The following COL3A1 variants were observed in gnomAD, a reference collection of about 807,000 sequenced individuals.
COL3A1 encodes the protein collagen alpha-1(III) chain.
In COL3A1, 46 loss-of-function variants were observed where a neutral mutation model predicts 200.9. The ratio of observed to expected loss-of-function variants is 0.23; its 90% CI spans 0.18 to 0.29. COL3A1 has a LOEUF of 0.29. Ranked by LOEUF, COL3A1 falls within the 10% of genes least tolerant of loss-of-function variation. COL3A1 has a pLI of 1.00. For synonymous variants in COL3A1, 650 were observed against 628.0 expected, an observed-to-expected ratio of 1.03 and a Z score of -0.52; for missense variants, 1,367 against 1,917.6, an observed-to-expected ratio of 0.71 and a Z score of 5.36.
At chr2:188,979,635 G>A (rs1428841461) in intron 1 of COL3A1, among the ~76,000 whole-genome samples, 1 of 151,718 alleles carries the variant, frequency 6.6e-6, no homozygotes, top group African/African-American at 2.4e-5. Context: ...GCATCTTCCT[G>A]TTTTGAGGCC....
In COL3A1 at chr2:188,993,358, T is replaced by C; in HGVS notation, c.1051-3T>C. ...AACTGACTACACAAGGTTTTACCAT[T>C]AGGGTGAAGTTGGACCTGCAGGGTC... On this transcript the variant is annotated splice_region_variant and splice_polypyrimidine_tract_variant and intron_variant, in intron 15 of 50. Transcript: ENST00000304636. 6.4e-7 allele frequency: 1 copy of C among 1,565,214 alleles called. No individual in the cohort carries two copies. Among genetic ancestry groups the C allele is most frequent in the East Asian group, 2.4e-5 (1 of 42,268 alleles).
Position 188,994,368 on chromosome 2 carries a change from G to T in COL3A1, c.1293+36G>T, listed in dbSNP as rs769443822. 1.6e-5 allele frequency: 26 copies of T among 1,610,258 alleles called. No individual in the cohort carries two copies. The highest frequency in any genetic ancestry group is 2.2e-5 in the East Asian group (1 of 44,874). ...TTGTTTTTTCTCTGTTGACTGAAAG[G>T]TATAGTTTAATTCCATCAACAAAAA... is the stretch of plus-strand genomic sequence containing the variant. On this transcript the variant is annotated intron_variant, in intron 18 of 50. Transcript: ENST00000304636. The surrounding 1 kb of genome is among the most constrained non-coding windows in gnomAD (Gnocchi z 4.5).
In COL3A1 at chr2:189,010,126, C is replaced by T. The variant is rs998382482; in HGVS notation, c.3824-52C>T. On this transcript the variant is annotated intron_variant, in intron 48 of 50. Transcript: ENST00000304636. Reference sequence around the variant, plus strand: ...CTTTACAGGTAAACAAACAAAATCACTTTATTACTGGATTTTATAACCAAT... The same window carrying T: ...CTTTACAGGTAAACAAACAAAATCATTTTATTACTGGATTTTATAACCAAT... 4.5e-6 allele frequency: 7 copies of T among 1,572,292 alleles called. No homozygotes were observed. The African/African-American group carries it at 5.4e-5, about 12-fold the overall frequency.
At chr2:188,999,686 AT>A in intron 31 of COL3A1, 109 bp downstream of exon 31, 1 of 1,398,260 alleles carries the variant, frequency 7.2e-7, no homozygotes, top group Non-Finnish European at 1.0e-6. Context: ...TAATGTTATC[AT>A]TTTATAGTAA....
intron 14 of COL3A1, 32 bp from the exon 15 acceptor site, chr2:188,992,855 A>G (rs997357306): frequency 6.2e-7 from 1 of 1,600,550 alleles, no homozygotes; most frequent in Non-Finnish European, 8.6e-7. Context: ...TAGTTGAAAA[A>G]GAGCTCTTGA....
At chr2:188,989,550 T>C (rs1688135471) in intron 8 of COL3A1, 101 bp downstream of exon 8, 1 of 870,590 alleles carries the variant, frequency 1.1e-6, no homozygotes, top group Non-Finnish European at 1.8e-6. Context: ...AAAAAAATGT[T>C]ATTCAAAATA....
chr2:189,010,965 A>G lies in COL3A1; in HGVS notation c.4254+75A>G, dbSNP rs991420845. On this transcript the variant is annotated intron_variant, in intron 50 of 50. Coordinates refer to ENST00000304636, the MANE Select transcript of COL3A1 (RefSeq NM_000090.4). ...TTTAATCATGCAAATTATTTTGAAT[A>G]GAATAAATAAAATTAATAGGATGAA... is the stretch of plus-strand genomic sequence containing the variant. 2.8e-5 allele frequency: 43 copies of G among 1,558,184 alleles called. 1 individual carries two copies. The Admixed American group carries it at 7.0e-4, about 25-fold the overall frequency.
At chr2:189,002,851 A>T in intron 35 of COL3A1, 104 bp from the exon 36 acceptor site, 1 of 900,512 alleles carries the variant, frequency 1.1e-6, no homozygotes, top group East Asian at 2.7e-5. Context: ...TTTTATTTCA[A>T]CTCCTTCCAT....
At position 189,003,379 on chromosome 2, in the gene COL3A1, A is replaced by T. The variant is rs762906308; in HGVS notation, c.2554-32A>T. 6 of 1,604,510 alleles carry T rather than the reference A, an allele frequency of 3.7e-6. No individual in the cohort carries two copies. The Admixed American group carries it at 1.0e-4, about 27-fold the overall frequency. On this transcript the variant is annotated intron_variant, in intron 36 of 50. Coordinates refer to ENST00000304636, the MANE Select transcript of COL3A1 (RefSeq NM_000090.4). ...TTTCCCAAATTTTGATTTTGGTGCT[A>T]TTCTTACATAATTTCCTTCCATTTC... is the stretch of plus-strand genomic sequence containing the variant.
At position 189,004,242 on chromosome 2, in the gene COL3A1, C is replaced by T; in HGVS notation, c.2824-15C>T. ...GTCACATAAAGATGAGCTAAGTCTT[C>T]ATTATCTGTATTAGGGAGCTCCAGG... On this transcript the variant is annotated splice_polypyrimidine_tract_variant and intron_variant, in intron 39 of 50. Coordinates refer to ENST00000304636, the MANE Select transcript of COL3A1 (RefSeq NM_000090.4). 1 of 1,600,528 alleles carries T rather than the reference C, an allele frequency of 6.2e-7. No homozygotes were observed. Among genetic ancestry groups the T allele is most frequent in the Non-Finnish European group, 8.5e-7 (1 of 1,173,224 alleles).
chr2:188,991,433 T>C, intron 11 of COL3A1, 54 bp from the exon 12 acceptor site: 1 of 1,154,388 alleles, frequency 8.7e-7, no homozygotes, highest in South Asian at 1.5e-5. Flanking sequence ...TTTAAAAATA[T>C]ATAATATTTT....
chr2:188,994,445 CTT>C lies in COL3A1; in HGVS notation c.1294-95_1294-94del. On this transcript the variant is annotated intron_variant, in intron 18 of 50. Transcript: ENST00000304636. The surrounding 1 kb of genome is among the most constrained non-coding windows in gnomAD (Gnocchi z 4.5). ...CAGTTGAATTTATATTGACTTCACT[CTT>C]GTCTTATAACTTATAACTGAATTAT... The C allele has an allele frequency of 6.4e-7, 1 of 1,568,566 alleles. No homozygotes were observed. Among genetic ancestry groups the C allele is most frequent in the Non-Finnish European group, 8.8e-7 (1 of 1,139,990 alleles).
At chr2:188,989,997 G>T in intron 8 of COL3A1, 99 bp from the exon 9 acceptor site, 1 of 1,104,202 alleles carries the variant, frequency 9.1e-7, no homozygotes, top group Non-Finnish European at 1.4e-6. Context: ...ATTTTAATGA[G>T]TCCTTTGTGA....
chr2:189,003,276 GTATGAA>G (rs1269055584), intron 36 of COL3A1, 129 bp from the exon 37 acceptor site: 2 of 803,302 alleles, frequency 2.5e-6, no homozygotes, highest in Non-Finnish European at 4.3e-6. Context: ...TATAGTCCAA[GTATGAA>G]TCTCAGCACC....
intron 8 of COL3A1, 117 bp downstream of exon 8, chr2:188,989,566 G>T (rs1688135796): frequency 1.3e-6 from 1 of 794,282 alleles, no homozygotes; most frequent in South Asian, 1.7e-5. Context: ...AAATATTGTT[G>T]TCTTAACAAC....
In COL3A1 at chr2:188,999,246, G is replaced by T. The variant is rs761587363; in HGVS notation, c.2023-39G>T. 16 of 1,529,920 alleles carry T rather than the reference G, an allele frequency of 1.0e-5. No individual in the cohort carries two copies. In the Admixed American group the frequency reaches 3.1e-4, roughly 30 times the overall value. 94.8% of individuals were successfully genotyped at this position (1,529,920 alleles called of 1,614,324 possible). On this transcript the variant is annotated intron_variant, in intron 29 of 50. Coordinates refer to ENST00000304636, the MANE Select transcript of COL3A1 (RefSeq NM_000090.4). Reference sequence around the variant, plus strand: ...GTTAAGGTGCTTTGTTTTTAGCTTTGGGTTGTCTAATATGGTTATTTACAT... The same window carrying T: ...GTTAAGGTGCTTTGTTTTTAGCTTTTGGTTGTCTAATATGGTTATTTACAT...
In COL3A1 at chr2:189,010,367, TA is replaced by T; in HGVS notation, c.4011+3del. 1 of 1,614,066 alleles carries T rather than the reference TA, an allele frequency of 6.2e-7. No individual in the cohort carries two copies. Among genetic ancestry groups the T allele is most frequent in the Non-Finnish European group, 8.5e-7 (1 of 1,179,926 alleles). ...GAGTCCATGGATGGTGGTTTTCAGG[TA>T]GGAAAGGATATACCTTTTTTTAAAT... On this transcript the variant is annotated splice_donor_region_variant and intron_variant, in intron 49 of 50. Transcript: ENST00000304636.
chr2:189,008,979 G>A lies in COL3A1; in HGVS notation c.3581G>A (p.Gly1194Asp), dbSNP rs1553509744. ...PGPPGPPGAP[G>D]PCCGGVGAAA... is the part of the protein sequence containing the mutation. ...CCTCCTGGACCTCCTGGTGCCCCTG[G>A]TCCTTGCTGTGGTGGTGTTGGAGCC... is the stretch of plus-strand genomic sequence containing the variant. Residue 1194 changes from glycine (G) to aspartate (D), a missense_variant, in exon 48 of 51, where the codon GGT (glycine) becomes GAT (aspartate). Physicochemically the swap from Gly to Asp is moderately conservative, Grantham distance 94 (BLOSUM62 -1). Around this residue, in one of 5 missense-constraint regions of COL3A1, gnomAD observed 846 missense variants for 1,147.9 expected, o/e 0.74. Coordinates refer to ENST00000304636, the MANE Select transcript of COL3A1 (RefSeq NM_000090.4). 1 of 1,614,204 alleles carries A rather than the reference G, an allele frequency of 6.2e-7. No homozygotes were observed. The highest frequency in any genetic ancestry group is 1.1e-5 in the South Asian group (1 of 91,082).
Position 189,007,521 on chromosome 2 carries a change from G to A in COL3A1, c.3277G>A (p.Asp1093Asn), listed in dbSNP as rs2153503891. The change falls in exon 45 of 51, where the codon GAC becomes AAC. Residue 1093 changes from aspartate (D) to asparagine (N), a missense_variant. This residue lies in a region of COL3A1 where 846 missense variants were observed against 1,147.9 expected (regional missense o/e 0.74). Transcript: ENST00000304636. ...GAPGPQGPRGDKGETGERGAA... is the reference protein window; with the variant it reads ...GAPGPQGPRGNKGETGERGAA... ...AAAGGGTCCTCAAGGCCCACGTGGT[G>A]ACAAAGGTGAAACAGGTGAACGTGG... is the stretch of plus-strand genomic sequence containing the variant. 1.9e-6 allele frequency: 3 copies of A among 1,613,630 alleles called. No homozygotes were observed. Among genetic ancestry groups the A allele is most frequent in the Non-Finnish European group, 2.5e-6 (3 of 1,179,812 alleles).
Sources: allele counts gnomAD v4.1 joint callset (sites outside exome capture counted in the v4.1 genomes callset), GRCh38; gene constraint gnomAD v4.1.1; regional missense constraint gnomAD v4.1.1; non-coding constraint Gnocchi (gnomAD v3.1); transcripts MANE v1.5; gene names NCBI Gene and HGNC (gene_info 2026-07-23, HGNC 2026-07-21).